The following CDH13 variants were observed in gnomAD, a reference collection of about 807,000 sequenced individuals.
CDH13 encodes the protein cadherin-13.
Under a neutral mutation model 63.8 loss-of-function variants are expected in CDH13, and 24 were observed. That is an observed-to-expected ratio of 0.38 (90% CI 0.27 to 0.53). CDH13 has a LOEUF of 0.53. CDH13 is among the 20% of genes least tolerant of loss of function. CDH13 has a pLI of 0.85. For missense variants in CDH13, 1,049 were observed against 903.1 expected, an observed-to-expected ratio of 1.16 and a Z score of -2.07; for synonymous variants, 503 against 355.3, an observed-to-expected ratio of 1.42 and a Z score of -4.67.
At chr16:83,147,974 C>T (rs1349192279) in intron 4 of CDH13, among the ~76,000 whole-genome samples, 3 of 152,144 alleles carry the variant, frequency 2.0e-5, no homozygotes, top group Non-Finnish European at 4.4e-5. Flanking sequence ...CACTCTGTTG[C>T]CCAGGCTGGA....
At chr16:83,781,042 T>C (rs1300805266) in intron 12 of CDH13, among the ~76,000 whole-genome samples, 1 of 152,182 alleles carries the variant, frequency 6.6e-6, no homozygotes, top group African/African-American at 2.4e-5. Context: ...AATGATGACC[T>C]TGGGTTTTTT....
At chr16:82,770,680 C>T (rs2035226078) in intron 1 of CDH13, among the ~76,000 whole-genome samples, 1 of 152,080 alleles carries the variant, frequency 6.6e-6, no homozygotes, top group South Asian at 2.1e-4. Flanking sequence ...TATTTTAGTT[C>T]AGTATTATTG....
At chr16:82,791,504 G>T (rs756885122) in intron 1 of CDH13, among the ~76,000 whole-genome samples, 4 of 152,170 alleles carry the variant, frequency 2.6e-5, no homozygotes, top group African/African-American at 9.7e-5. Flanking sequence ...CCCTCCCATT[G>T]TATGGGAGCT....
intron 3 of CDH13, among the ~76,000 whole-genome samples, chr16:83,095,147 C>A (rs765869297): frequency 9.2e-5 from 14 of 152,206 alleles, no homozygotes; most frequent in Non-Finnish European, 2.1e-4. Context: ...TTGCCAATTA[C>A]TGTGGTATAA....
At chr16:83,651,638 C>T (rs1219490028) in intron 8 of CDH13, among the ~76,000 whole-genome samples, 2 of 144,622 alleles carry the variant, frequency 1.4e-5, no homozygotes, top group Admixed American at 7.1e-5. Flanking sequence ...CTCTGTCACC[C>T]AGGCTGGAGT....
intron 1 of CDH13, among the ~76,000 whole-genome samples, chr16:82,692,029 C>G (rs1283861271): frequency 6.6e-6 from 1 of 152,210 alleles, no homozygotes; most frequent in African/African-American, 2.4e-5. Context: ...TCATAATCTG[C>G]AAATAGTTCT....
chr16:82,695,755 C>A (rs2030207531), intron 1 of CDH13, among the ~76,000 whole-genome samples: 1 of 152,200 alleles, frequency 6.6e-6, no homozygotes, highest in South Asian at 2.1e-4. Context: ...GATTTGAACA[C>A]AAGGGCATGG....
intron 3 of CDH13, among the ~76,000 whole-genome samples, chr16:83,065,630 A>G (rs775464840): frequency 1.4e-4 from 21 of 150,340 alleles, no homozygotes; most frequent in Middle Eastern, 3.4e-3. Context: ...AGTTAAGCCC[A>G]GGGGGCAGAG....
intron 8 of CDH13, among the ~76,000 whole-genome samples, chr16:83,613,669 A>G (rs1235364485): frequency 6.6e-6 from 1 of 152,054 alleles, no homozygotes; most frequent in Non-Finnish European, 1.5e-5. Context: ...TGTCTCTACT[A>G]AATAAATACA....
At chr16:83,108,247 G>A (rs1460244798) in intron 3 of CDH13, among the ~76,000 whole-genome samples, 3 of 152,212 alleles carry the variant, frequency 2.0e-5, no homozygotes, top group East Asian at 1.9e-4. Flanking sequence ...AGGAGGCAAA[G>A]GACCACAGAG....
At chr16:83,500,993 G>A (rs1481604244) in intron 7 of CDH13, among the ~76,000 whole-genome samples, 1 of 152,156 alleles carries the variant, frequency 6.6e-6, no homozygotes, top group Admixed American at 6.5e-5. Context: ...CATTCCAAAT[G>A]TTTTCAAAGG....
At position 83,058,616 on chromosome 16, in the gene CDH13, G is replaced by A. The variant is rs1254201383; in HGVS notation, c.366+26398G>A. ...CTCCTGAGCTCCCCTGACCACACAG[G>A]AAGAAAACATTAATGATGTTCCCAT... On this transcript the variant is annotated intron_variant, in intron 3 of 13. Transcript: ENST00000567109. Among the ~76,000 whole-genome samples, 3 of 152,188 alleles carry A rather than the reference G, an allele frequency of 2.0e-5. No homozygotes were observed. The East Asian group carries it at 5.8e-4, about 29-fold the overall frequency.
At chr16:83,132,364 C>G (rs886304000) in intron 4 of CDH13, among the ~76,000 whole-genome samples, 2 of 151,808 alleles carry the variant, frequency 1.3e-5, no homozygotes, top group Non-Finnish European at 2.9e-5. Flanking sequence ...TTGTTTTGTG[C>G]CCTTTATCTA....
chr16:83,465,898 T>G (rs2073302532), intron 6 of CDH13, among the ~76,000 whole-genome samples: 4 of 152,240 alleles, frequency 2.6e-5, no homozygotes, highest in Admixed American at 2.6e-4. Context: ...ACTGGTGGTG[T>G]TCTCTTTACC....
intron 5 of CDH13, among the ~76,000 whole-genome samples, chr16:83,224,509 G>T (rs10781998): frequency 0.98 from 149,687 of 152,310 alleles, 73,618 homozygotes; most frequent in East Asian, 1. Context: ...GTCATCATTA[G>T]GGTCCTATCA....
intron 10 of CDH13, among the ~76,000 whole-genome samples, chr16:83,701,418 C>T (rs1906208199): frequency 6.6e-6 from 1 of 152,176 alleles, no homozygotes; most frequent in Admixed American, 6.5e-5. Context: ...CCATGCGGTG[C>T]ACTCTGTGTG....
intron 5 of CDH13, among the ~76,000 whole-genome samples, chr16:83,332,854 C>A (rs79533184): frequency 6.6e-6 from 1 of 152,058 alleles, no homozygotes; most frequent in African/African-American, 2.4e-5. Context: ...CCCTGAAAGT[C>A]TAGTGTGATT....
chr16:83,319,256 G>T (rs879930040), intron 5 of CDH13, among the ~76,000 whole-genome samples: 7 of 152,046 alleles, frequency 4.6e-5, no homozygotes, highest in African/African-American at 1.7e-4. Flanking sequence ...AAAAATATTG[G>T]CATGTTTGGA....
At chr16:83,135,949 C>T (rs1253229530) in intron 4 of CDH13, among the ~76,000 whole-genome samples, 1 of 152,116 alleles carries the variant, frequency 6.6e-6, no homozygotes, top group African/African-American at 2.4e-5. Context: ...TATGTCCCCA[C>T]TGACATGTGG....
Sources: gnomAD v4.1 joint callset for allele counts (sites outside exome capture counted in the v4.1 genomes callset) on GRCh38, gnomAD v4.1.1 for gene constraint, MANE v1.5 for transcripts, NCBI Gene and HGNC (gene_info 2026-07-23, HGNC 2026-07-21) for gene names.